Variants in STARD9 observed in about 807,000 individuals in gnomAD.
STARD9 encodes the protein stAR-related lipid transfer protein 9.
In STARD9, 346 loss-of-function variants were observed where a neutral mutation model predicts 399.8. The ratio of observed to expected loss-of-function variants is 0.87; its 90% CI spans 0.79 to 0.95. The LOEUF (loss-of-function observed/expected upper bound fraction) is 0.95. STARD9 is among the 40% of genes least tolerant of loss of function. The probability of loss-of-function intolerance (pLI) is 0.00; values close to 1 mark genes in which losing one functional copy is unlikely to be tolerated. For missense variants in STARD9, 5,832 were observed against 5,667.5 expected (o/e 1.03, Z -0.93); for synonymous variants, 2,203 against 2,143.5 (o/e 1.03, Z -0.77).
intron 26 of STARD9, among the ~76,000 whole-genome samples, chr15:42,715,793 C>G (rs1044069705): frequency 1.3e-5 from 2 of 152,152 alleles, no homozygotes; most frequent in African/African-American, 2.4e-5. Context: ...CAGGCATGAG[C>G]CACCGCCCGG....
At position 42,718,034 on chromosome 15, in the gene STARD9, G is replaced by T. The variant is rs988362920; in HGVS notation, c.13617G>T (p.Arg4539=). Residue 4539 remains arginine (R), a synonymous_variant, in exon 30 of 33, where the codon CGG becomes CGT. Coordinates refer to ENST00000290607, the MANE Select transcript of STARD9 (RefSeq NM_020759.3). ...QLYYKVFSPT[R]HGFLGAGVVS... is the part of the protein sequence containing the mutation. ...ACTACAAGGTGTTTTCTCCCACTCG[G>T]CATGGCTTCCTGGGGGCAGGTGTGG... 2 of 1,537,242 alleles carry T rather than the reference G, an allele frequency of 1.3e-6. No individual in the cohort carries two copies. Among genetic ancestry groups the T allele is most frequent in the Admixed American group, 2.0e-5 (1 of 51,004 alleles).
Position 42,690,482 on chromosome 15 carries a change from C to T in STARD9, c.8904C>T (p.Ser2968=). The T allele has an allele frequency of 6.5e-7, 1 of 1,537,242 alleles. No homozygotes were observed. The highest frequency in any genetic ancestry group is 8.7e-7 in the Non-Finnish European group (1 of 1,146,922). Residue 2968 remains serine, a synonymous_variant, in exon 23 of 33, where the codon TCC becomes TCT. Coordinates refer to ENST00000290607, the MANE Select transcript of STARD9 (RefSeq NM_020759.3). ...AACCTGTTGCTACTCATGCTTATTC[C>T]TCCCATTCCTCTACTTTACTGTGTT... The part of the protein sequence containing the change: ...SSQPVATHAY[S]SHSSTLLCFR...
At chr15:42,584,665 G>A (rs1198381498) in intron 2 of STARD9, among the ~76,000 whole-genome samples, 1 of 152,104 alleles carries the variant, frequency 6.6e-6, no homozygotes, top group Non-Finnish European at 1.5e-5. Context: ...GTCAGTGCAA[G>A]GCCAAGCTCT....
chr15:42,597,174 T>A (rs2058524243), intron 3 of STARD9, among the ~76,000 whole-genome samples: 2 of 152,256 alleles, frequency 1.3e-5, no homozygotes, highest in East Asian at 3.9e-4. Flanking sequence ...TGGCTCACTT[T>A]AGCCTCAACT....
At chr15:42,660,835 A>G (rs2059980287) in intron 9 of STARD9, among the ~76,000 whole-genome samples, 1 of 152,136 alleles carries the variant, frequency 6.6e-6, no homozygotes, top group East Asian at 1.9e-4. Flanking sequence ...GAGGGAGTTG[A>G]GCATTTGCGT....
intron 15 of STARD9, among the ~76,000 whole-genome samples, chr15:42,667,664 G>A (rs979901634): frequency 5.4e-5 from 8 of 148,816 alleles, no homozygotes; most frequent in African/African-American, 1.7e-4. Context: ...ATTTTCAGTA[G>A]AGAGGGGTTT....
chr15:42,665,664 C>G, intron 14 of STARD9, 122 bp from the exon 15 acceptor site: 1 of 805,858 alleles, frequency 1.2e-6, no homozygotes, highest in South Asian at 1.8e-5. Context: ...CTCCTGATTT[C>G]TTATTTTAAT....
rs1408222673 is a variant in STARD9, at chr15:42,575,747, G to A, written c.32G>A (p.Arg11Gln). The A allele has an allele frequency of 2.0e-6, 3 of 1,536,726 alleles. No individual in the cohort carries two copies. Among genetic ancestry groups the A allele is most frequent in the African/African-American group, 1.4e-5 (1 of 73,046 alleles). The change falls in exon 1 of 33, where the codon CGG becomes CAG. Residue 11 changes from arginine to glutamine, a missense_variant. By Grantham distance (43) the Arg-to-Gln change is conservative. Transcript: ENST00000290607. Reference protein sequence around the residue: MANVQVAVRVRPLSKRETKEG... With the variant: MANVQVAVRVQPLSKRETKEG... ...AACGTGCAGGTCGCCGTGCGGGTCC[G>A]GCCGCTCAGCAAGAGGTGAGTCTCC... is the stretch of plus-strand genomic sequence containing the variant.
intron 26 of STARD9, among the ~76,000 whole-genome samples, chr15:42,710,092 C>T (rs1357200567): frequency 7.0e-6 from 1 of 142,314 alleles, no homozygotes; most frequent in Admixed American, 7.2e-5. Context: ...CAGGGTCTTG[C>T]CGTGTTGCCC....
intron 13 of STARD9, 108 bp from the exon 14 acceptor site, chr15:42,665,145 A>G: frequency 2.5e-6 from 2 of 806,190 alleles, no homozygotes; most frequent in Non-Finnish European, 4.0e-6. Context: ...TGCTGTAGAG[A>G]CTACTCCAAA....
intron 3 of STARD9, among the ~76,000 whole-genome samples, chr15:42,613,785 C>T (rs868519048): frequency 6.6e-6 from 1 of 151,446 alleles, no homozygotes; most frequent in African/African-American, 2.4e-5. Flanking sequence ...GCCAACATGA[C>T]AAAACCCCAT....
intron 3 of STARD9, among the ~76,000 whole-genome samples, chr15:42,608,281 G>A (rs994806175): frequency 6.6e-6 from 1 of 152,124 alleles, no homozygotes; most frequent in African/African-American, 2.4e-5. Context: ...TGGGTAGTGT[G>A]GCTTGAGGGA....
chr15:42,646,678 T>A (rs377418800), intron 7 of STARD9, among the ~76,000 whole-genome samples: 1 of 152,262 alleles, frequency 6.6e-6, no homozygotes, highest in Non-Finnish European at 1.5e-5. Context: ...AAGGCTGTTT[T>A]GTTTTCTTAT....
chr15:42,641,341 A>G (rs1372174050), intron 7 of STARD9, among the ~76,000 whole-genome samples: 1 of 152,210 alleles, frequency 6.6e-6, no homozygotes, highest in African/African-American at 2.4e-5. Context: ...AACCATTACA[A>G]ATACAGGTGG....
At chr15:42,669,082 A>C in intron 15 of STARD9, 76 bp from the exon 16 acceptor site, 1 of 1,264,714 alleles carries the variant, frequency 7.9e-7, no homozygotes, top group Non-Finnish European at 1.1e-6. Flanking sequence ...GGAAATAGGA[A>C]TAGATTGTAA....
Position 42,687,887 on chromosome 15 carries a change from C to T in STARD9, c.6309C>T (p.Ser2103=), listed in dbSNP as rs112111204. 2.6e-3 allele frequency: 3,921 copies of T among 1,537,176 alleles called. 100 individuals carry two copies. The African/African-American group carries it at 0.045, about 18-fold the overall frequency. Residue 2103 remains serine, a synonymous_variant, in exon 23 of 33, where the codon AGC becomes AGT. Transcript: ENST00000290607. ...CTGACCATGCCTTTAGGCCAGACAGCTCTGGAAACCCTTTGCCCTCTAAGG... is the reference window on the plus strand; with the variant it reads ...CTGACCATGCCTTTAGGCCAGACAGTTCTGGAAACCCTTTGCCCTCTAAGG... ...EKTDHAFRPD[S]SGNPLPSKDQ...
chr15:42,589,952 CTTTTTTTTTTTTT>C (rs961377203), intron 3 of STARD9, among the ~76,000 whole-genome samples: 2 of 91,954 alleles, frequency 2.2e-5, no homozygotes, highest in Non-Finnish European at 4.2e-5. Flanking sequence ...AACCTTGATT[CTTTTTTTTTTTTT>C]TTTTTTTTTT....
chr15:42,703,422 G>T (rs1233805510), intron 26 of STARD9, among the ~76,000 whole-genome samples: 1 of 150,724 alleles, frequency 6.6e-6, no homozygotes, highest in Non-Finnish European at 1.5e-5. Flanking sequence ...GGAGTGCAGT[G>T]GCACAATCCC....
chr15:42,658,022 ATAACT>A (rs2059909443), intron 9 of STARD9, among the ~76,000 whole-genome samples: 1 of 152,258 alleles, frequency 6.6e-6, no homozygotes, highest in Non-Finnish European at 1.5e-5. Context: ...ACTTTAGAAC[ATAACT>A]TAGGAGAACC....
Sources: allele counts gnomAD v4.1 joint callset (sites outside exome capture counted in the v4.1 genomes callset), GRCh38; gene constraint gnomAD v4.1.1; transcripts MANE v1.5; gene names NCBI Gene and HGNC (gene_info 2026-07-23, HGNC 2026-07-21).